SNX7: variants seen among roughly 807,000 people sequenced by gnomAD.
SNX7 encodes sorting nexin 7, also known as sorting nexin-7.
SNX7 carries 35 observed loss-of-function variants against 48.4 expected under a neutral mutation model. The observed-to-expected ratio is 0.72, with a 90% CI of 0.55 to 0.96. SNX7 has a LOEUF of 0.96. SNX7 is among the 40% of genes least tolerant of loss of function. SNX7 has a pLI of 0.00. For synonymous variants in SNX7, 190 were observed against 190.2 expected (o/e 1.00, Z 0.01); for missense variants, 553 against 548.9 (o/e 1.01, Z -0.07).
At chr1:98,669,944 AG>A (rs1264599432) in intron 1 of SNX7, among the ~76,000 whole-genome samples, 2 of 152,260 alleles carry the variant, frequency 1.3e-5, no homozygotes, top group African/African-American at 4.8e-5. Context: ...TCTCAAAGGT[AG>A]GAGAGTAGGA....
At chr1:98,722,213 G>T (rs1652920367) in intron 7 of SNX7, among the ~76,000 whole-genome samples, 1 of 152,030 alleles carries the variant, frequency 6.6e-6, no homozygotes, top group Non-Finnish European at 1.5e-5. Flanking sequence ...AGTTACGTTT[G>T]GATAACAAAA....
intron 1 of SNX7, among the ~76,000 whole-genome samples, chr1:98,674,472 A>G (rs1650051710): frequency 6.6e-6 from 1 of 152,104 alleles, no homozygotes; most frequent in Non-Finnish European, 1.5e-5. Context: ...TTCTGTGTCC[A>G]CATTTACCCT....
intron 1 of SNX7, among the ~76,000 whole-genome samples, chr1:98,673,265 T>C (rs1257186500): frequency 6.6e-6 from 1 of 152,206 alleles, no homozygotes; most frequent in Admixed American, 6.5e-5. Flanking sequence ...TTCTTTCTGT[T>C]CCTCAAATAT....
rs187806644 is a variant in SNX7, at chr1:98,725,441, A to G, written c.1126-12796A>G. Among the ~76,000 whole-genome samples the G allele has an allele frequency of 2.7e-4, 41 of 152,352 alleles. No individual in the cohort carries two copies. The East Asian group carries it at 7.9e-3, about 29-fold the overall frequency. On this transcript the variant is annotated intron_variant, in intron 7 of 8. Coordinates refer to ENST00000306121, the MANE Select transcript of SNX7 (RefSeq NM_015976.5). ...TTCCAAAAACGAATGAGAAAGGAAGAAAAACATTTCACAAGGGGGCACTGT... is the reference window on the plus strand; with the variant it reads ...TTCCAAAAACGAATGAGAAAGGAAGGAAAACATTTCACAAGGGGGCACTGT...
At chr1:98,676,759 T>G (rs1650186577) in intron 1 of SNX7, among the ~76,000 whole-genome samples, 1 of 152,266 alleles carries the variant, frequency 6.6e-6, no homozygotes, top group African/African-American at 2.4e-5. Context: ...CATCAGAATT[T>G]ATTACATTGT....
At chr1:98,715,115 A>G (rs892595919) in intron 7 of SNX7, among the ~76,000 whole-genome samples, 1 of 152,100 alleles carries the variant, frequency 6.6e-6, no homozygotes, top group Admixed American at 6.6e-5. Flanking sequence ...AAATGCTCAG[A>G]CCCATTCAAG....
chr1:98,691,597 G>C lies in SNX7; in HGVS notation c.537G>C (p.Glu179Asp). ...AACGCTTTAACGATGACTTCATTGA[G>C]ACACGCAGGAAGGCTTTACATAAAT... ...MVERFNDDFI[E>D]TRRKALHKFL... The change falls in exon 4 of 9, where the codon GAG becomes GAC. Residue 179 changes from glutamate to aspartate, a missense_variant. Physicochemically the swap from Glu to Asp is conservative, Grantham distance 45. Transcript: ENST00000306121. 3 of 1,611,272 alleles carry C rather than the reference G, an allele frequency of 1.9e-6. No individual in the cohort carries two copies. Among genetic ancestry groups the C allele is most frequent in the Non-Finnish European group, 1.7e-6 (2 of 1,178,470 alleles).
intron 8 of SNX7, among the ~76,000 whole-genome samples, chr1:98,744,244 T>G (rs919966919): frequency 6.6e-6 from 1 of 152,064 alleles, no homozygotes; most frequent in African/African-American, 2.4e-5. Flanking sequence ...TTAGTTATAC[T>G]TTCTCAAAAT....
chr1:98,744,623 A>C (rs1654230692), intron 8 of SNX7, among the ~76,000 whole-genome samples: 1 of 152,112 alleles, frequency 6.6e-6, no homozygotes, highest in Non-Finnish European at 1.5e-5. Flanking sequence ...CTAAGAAAAC[A>C]GAACTAACTC....
intron 8 of SNX7, among the ~76,000 whole-genome samples, chr1:98,758,635 G>A (rs578113896): frequency 2.0e-5 from 3 of 151,964 alleles, no homozygotes; most frequent in Non-Finnish European, 4.4e-5. Flanking sequence ...ATTCTAATGA[G>A]GCCTACATTA....
chr1:98,698,442 T>C (rs1557805154), intron 5 of SNX7, among the ~76,000 whole-genome samples: 1 of 152,144 alleles, frequency 6.6e-6, no homozygotes, highest in Admixed American at 6.6e-5. Context: ...GGTCATATAA[T>C]TTATTTTTCA....
intron 3 of SNX7, 23 bp from the exon 4 acceptor site, chr1:98,691,512 C>T: frequency 6.5e-7 from 1 of 1,546,366 alleles, no homozygotes; most frequent in Non-Finnish European, 8.7e-7. Context: ...ACTTGAATAC[C>T]TTTTTAATTT....
intron 1 of SNX7, among the ~76,000 whole-genome samples, chr1:98,668,299 C>A (rs536305670): frequency 6.6e-6 from 1 of 152,256 alleles, no homozygotes; most frequent in African/African-American, 2.4e-5. Context: ...TTTTCAAGGT[C>A]ATATAGGGTA....
chr1:98,710,179 G>A (rs979136344), intron 7 of SNX7, among the ~76,000 whole-genome samples: 1 of 152,118 alleles, frequency 6.6e-6, no homozygotes. Context: ...AGGGTGAGGT[G>A]AAAAATACCG....
chr1:98,668,875 A>G (rs1046324949), intron 1 of SNX7, among the ~76,000 whole-genome samples: 6 of 152,228 alleles, frequency 3.9e-5, no homozygotes, highest in Non-Finnish European at 8.8e-5. Context: ...AGGATCGTGA[A>G]TTCTGTCACT....
chr1:98,734,253 C>T (rs1253360786), intron 7 of SNX7, among the ~76,000 whole-genome samples: 1 of 152,070 alleles, frequency 6.6e-6, no homozygotes, highest in Admixed American at 6.6e-5. Context: ...TACGTTTTTC[C>T]TTCCATTATG....
At chr1:98,704,306 GTTGA>G (rs1557809750) in intron 7 of SNX7, among the ~76,000 whole-genome samples, 1 of 152,090 alleles carries the variant, frequency 6.6e-6, no homozygotes, top group African/African-American at 2.4e-5. Context: ...GATACTTTTG[GTTGA>G]TTAAGTTTCA....
chr1:98,734,859 C>A (rs1375682227), intron 7 of SNX7, among the ~76,000 whole-genome samples: 1 of 152,046 alleles, frequency 6.6e-6, no homozygotes, highest in African/African-American at 2.4e-5. Context: ...TTGCTGGCAA[C>A]AAGGGTTGCT....
chr1:98,687,697 T>G (rs917075430), intron 2 of SNX7, among the ~76,000 whole-genome samples: 1 of 152,130 alleles, frequency 6.6e-6, no homozygotes, highest in Non-Finnish European at 1.5e-5. Flanking sequence ...GTTAGTTTGT[T>G]CTCATGTTGG....
Sources: allele counts gnomAD v4.1 joint callset (sites outside exome capture counted in the v4.1 genomes callset), GRCh38; gene constraint gnomAD v4.1.1; transcripts MANE v1.5; gene names NCBI Gene and HGNC (gene_info 2026-07-23, HGNC 2026-07-21).